CDK6: variants seen among roughly 807,000 people sequenced by gnomAD.
CDK6 encodes the protein cyclin-dependent kinase 6.
In CDK6, 6 loss-of-function variants were observed where a neutral mutation model predicts 37.1. That is an observed-to-expected ratio of 0.16 (90% CI 0.09 to 0.32). CDK6 has a LOEUF of 0.32. Among genes scored for constraint, CDK6 ranks in the 10% least tolerant of loss-of-function variants. The pLI is 1.00. For synonymous variants in CDK6, 160 were observed against 161.3 expected (o/e 0.99, Z 0.06); for missense variants, 224 against 418.9 (o/e 0.53, Z 4.06).
At position 92,632,933 on chromosome 7, in the gene CDK6, CTTT is replaced by C. The variant is rs397889657; in HGVS notation, c.648-9850_648-9848del. Among the ~76,000 whole-genome samples, 209 of 108,862 alleles carry C rather than the reference CTTT, an allele frequency of 1.9e-3. 1 individual carries two copies. The highest frequency in any genetic ancestry group is 5.4e-3 in the African/African-American group (149 of 27,564). 71.4% of individuals were successfully genotyped at this position (108,862 alleles called of 152,430 possible). A position where few individuals can be genotyped will look rare whatever the true frequency, so the allele number is the denominator to read the frequency against. On this transcript the variant is annotated intron_variant, in intron 5 of 7. Coordinates refer to ENST00000424848, the MANE Select transcript of CDK6 (RefSeq NM_001145306.2). ...TGGATATGATGGTATCTCTAAAGAT[CTTT>C]TTTTTTTTTTTTTTTTTTTTCCAAA... is the stretch of plus-strand genomic sequence containing the variant.
At chr7:92,773,187 A>G (rs1584074293) in intron 3 of CDK6, among the ~76,000 whole-genome samples, 1 of 152,218 alleles carries the variant, frequency 6.6e-6, no homozygotes, top group Non-Finnish European at 1.5e-5. Flanking sequence ...AGATATGTAC[A>G]TTAAAAAATC....
chr7:92,771,206 A>ACT (rs1799707199), intron 3 of CDK6, among the ~76,000 whole-genome samples: 1 of 150,644 alleles, frequency 6.6e-6, no homozygotes, highest in African/African-American at 2.4e-5. Context: ...ACTGCACTCC[A>ACT]GCCTGGTGAC....
chr7:92,704,694 A>G (rs568412208), intron 4 of CDK6, among the ~76,000 whole-genome samples: 1 of 152,008 alleles, frequency 6.6e-6, no homozygotes, highest in Non-Finnish European at 1.5e-5. Flanking sequence ...CTGCTGTGTA[A>G]TTCTATTGTG....
At chr7:92,706,823 A>T (rs75710387) in intron 4 of CDK6, among the ~76,000 whole-genome samples, 1 of 152,224 alleles carries the variant, frequency 6.6e-6, no homozygotes, top group Non-Finnish European at 1.5e-5. Flanking sequence ...AAATTCTGCA[A>T]CTGTCTGGAT....
intron 2 of CDK6, among the ~76,000 whole-genome samples, chr7:92,819,290 T>G (rs1010798525): frequency 6.6e-6 from 1 of 152,036 alleles, no homozygotes; most frequent in African/African-American, 2.4e-5. Context: ...CCAGATATAA[T>G]AGAACATAAT....
At chr7:92,703,128 A>G (rs1797893902) in intron 4 of CDK6, among the ~76,000 whole-genome samples, 1 of 152,200 alleles carries the variant, frequency 6.6e-6, no homozygotes, top group African/African-American at 2.4e-5. Context: ...CCCCTTAGCC[A>G]GATCTCAAAA....
rs1795729395 is a variant in CDK6, at chr7:92,618,455, T to C, written c.699-248A>G. Among the ~76,000 whole-genome samples, 3 of 152,286 alleles carry C rather than the reference T, an allele frequency of 2.0e-5. No homozygotes were observed. In the South Asian group the frequency reaches 6.2e-4, roughly 32 times the overall value. ...GGGAGGAGATAAGAGATTGCTCTGG[T>C]AGCAGACACTAAATGTAAGGGATGA... On this transcript the variant is annotated intron_variant, in intron 6 of 7. Coordinates refer to ENST00000424848, the MANE Select transcript of CDK6 (RefSeq NM_001145306.2).
At chr7:92,727,113 C>T (rs1179648324) in intron 3 of CDK6, among the ~76,000 whole-genome samples, 1 of 152,112 alleles carries the variant, frequency 6.6e-6, no homozygotes, top group Non-Finnish European at 1.5e-5. Flanking sequence ...AGACATTGGC[C>T]ATGATGTCAT....
intron 3 of CDK6, among the ~76,000 whole-genome samples, chr7:92,745,471 T>C (rs929010083): frequency 2.0e-5 from 3 of 152,172 alleles, no homozygotes; most frequent in Admixed American, 2.0e-4. Context: ...TTCAGGCACG[T>C]GGGCAGGCAA....
intron 2 of CDK6, among the ~76,000 whole-genome samples, chr7:92,796,931 G>A (rs769706990): frequency 9.2e-5 from 14 of 152,008 alleles, no homozygotes; most frequent in Admixed American, 5.3e-4. Context: ...CTGAACTGAT[G>A]GACAAACTCT....
chr7:92,778,587 A>G (rs768253947), intron 2 of CDK6, among the ~76,000 whole-genome samples: 10 of 152,096 alleles, frequency 6.6e-5, no homozygotes, highest in Non-Finnish European at 1.0e-4. Context: ...AAGCCAGCTT[A>G]TTGCTATTAA....
At chr7:92,741,557 T>G (rs1333217157) in intron 3 of CDK6, among the ~76,000 whole-genome samples, 4 of 152,156 alleles carry the variant, frequency 2.6e-5, no homozygotes, top group African/African-American at 9.6e-5. Flanking sequence ...CTCTGTCAGG[T>G]GTTGAAAATG....
chr7:92,624,724 C>CA (rs537169648), intron 5 of CDK6, among the ~76,000 whole-genome samples: 103 of 151,876 alleles, frequency 6.8e-4, no homozygotes, highest in African/African-American at 2.5e-3. Flanking sequence ...CTAAAACTTC[C>CA]AAAAAAAGGC....
intron 4 of CDK6, among the ~76,000 whole-genome samples, chr7:92,696,068 G>A (rs1797711830): frequency 6.6e-6 from 1 of 152,222 alleles, no homozygotes; most frequent in Non-Finnish European, 1.5e-5. Flanking sequence ...GTTGTACAAA[G>A]TGAAAGTTTC....
intron 3 of CDK6, among the ~76,000 whole-genome samples, chr7:92,745,059 T>A (rs1799026897): frequency 6.6e-6 from 1 of 152,188 alleles, no homozygotes; most frequent in Non-Finnish European, 1.5e-5. Flanking sequence ...TAAATCAAGC[T>A]AATTAACATG....
chr7:92,669,490 T>C (rs992288063), intron 5 of CDK6, among the ~76,000 whole-genome samples: 1 of 152,198 alleles, frequency 6.6e-6, no homozygotes, highest in African/African-American at 2.4e-5. Flanking sequence ...GACTCTGTCT[T>C]TACAGTTGAG....
intron 2 of CDK6, among the ~76,000 whole-genome samples, chr7:92,819,474 T>C (rs1157678186): frequency 2.6e-5 from 4 of 152,044 alleles, no homozygotes; most frequent in Non-Finnish European, 2.9e-5. Flanking sequence ...GTGAATAAAT[T>C]TGTCGAAACT....
At chr7:92,632,094 T>C (rs1051904370) in intron 5 of CDK6, among the ~76,000 whole-genome samples, 2 of 151,936 alleles carry the variant, frequency 1.3e-5, no homozygotes, top group African/African-American at 4.8e-5. Context: ...CCAAAGGGAG[T>C]CTTATGGGCT....
intron 5 of CDK6, among the ~76,000 whole-genome samples, chr7:92,630,063 A>G (rs1270190249): frequency 2.0e-5 from 3 of 152,104 alleles, no homozygotes; most frequent in African/African-American, 7.2e-5. Context: ...TTAGGGCTTC[A>G]ATGTAAGAAT....
Sources: gnomAD v4.1 joint callset for allele counts (sites outside exome capture counted in the v4.1 genomes callset) on GRCh38, gnomAD v4.1.1 for gene constraint, MANE v1.5 for transcripts, NCBI Gene and HGNC (gene_info 2026-07-23, HGNC 2026-07-21) for gene names.